The following PHF20 variants were observed in gnomAD, a reference collection of about 807,000 sequenced individuals.
The protein encoded by PHF20 is PHD finger protein 20, also known as glioma-expressed antigen 2.
A neutral mutation model predicts 113.5 loss-of-function variants in PHF20; 23 were observed. The observed-to-expected ratio is 0.20, with a 90% CI of 0.15 to 0.29. PHF20 has a LOEUF of 0.29. PHF20 is among the 10% of genes least tolerant of loss of function. The pLI is 1.00. For missense variants in PHF20, 943 were observed against 1,219.6 expected, an observed-to-expected ratio of 0.77 and a Z score of 3.38; for synonymous variants, 434 against 457.3, an observed-to-expected ratio of 0.95 and a Z score of 0.65.
chr20:35,798,090 A>G (rs2041703386), intron 1 of PHF20, among the ~76,000 whole-genome samples: 1 of 152,236 alleles, frequency 6.6e-6, no homozygotes, highest in Non-Finnish European at 1.5e-5. Flanking sequence ...CCAATAACCT[A>G]TAACTTATTT....
intron 15 of PHF20, among the ~76,000 whole-genome samples, chr20:35,935,184 T>A (rs1264661291): frequency 1.3e-5 from 2 of 152,112 alleles, no homozygotes; most frequent in Non-Finnish European, 1.5e-5. Context: ...CTCGACAGTC[T>A]TAATAGGGCT....
intron 2 of PHF20, among the ~76,000 whole-genome samples, chr20:35,825,411 A>G (rs981113683): frequency 1.3e-5 from 2 of 152,146 alleles, no homozygotes; most frequent in African/African-American, 4.8e-5. Flanking sequence ...AAGATAAGGT[A>G]TGAAATATTT....
intron 1 of PHF20, among the ~76,000 whole-genome samples, chr20:35,798,367 T>G (rs2041709109): frequency 6.6e-6 from 1 of 152,210 alleles, no homozygotes; most frequent in African/African-American, 2.4e-5. Context: ...GATCCAGGTT[T>G]GAGCCACTGT....
intron 10 of PHF20, among the ~76,000 whole-genome samples, chr20:35,903,082 T>TTTC (rs1165047600): frequency 1.7e-4 from 22 of 129,924 alleles, no homozygotes; most frequent in Middle Eastern, 4.0e-3. Flanking sequence ...CCTTTCTTTT[T>TTTC]TTTTTTTTTT....
At chr20:35,915,657 TTACA>T (rs1227225611) in intron 12 of PHF20, among the ~76,000 whole-genome samples, 1 of 152,138 alleles carries the variant, frequency 6.6e-6, no homozygotes, top group Non-Finnish European at 1.5e-5. Context: ...AGTGCTGGGA[TTACA>T]GGCATGAGCC....
intron 2 of PHF20, among the ~76,000 whole-genome samples, chr20:35,817,433 T>C (rs1312518895): frequency 6.6e-6 from 1 of 150,966 alleles, no homozygotes; most frequent in East Asian, 2.0e-4. Context: ...GTGATCCACC[T>C]GCCTCGGCCT....
intron 1 of PHF20, among the ~76,000 whole-genome samples, chr20:35,775,813 A>G (rs1026383196): frequency 6.7e-6 from 1 of 148,400 alleles, no homozygotes; most frequent in Non-Finnish European, 1.5e-5. Flanking sequence ...CTGTGTGTAT[A>G]TATATATATT....
At chr20:35,849,946 G>A (rs1205377431) in intron 4 of PHF20, among the ~76,000 whole-genome samples, 1 of 152,188 alleles carries the variant, frequency 6.6e-6, no homozygotes, top group African/African-American at 2.4e-5. Flanking sequence ...GGTGGGGACT[G>A]TAGCCAGAGT....
At chr20:35,846,220 C>G (rs575088565) in intron 3 of PHF20, among the ~76,000 whole-genome samples, 1 of 151,222 alleles carries the variant, frequency 6.6e-6, no homozygotes, top group Non-Finnish European at 1.5e-5. Context: ...CACTGTATCA[C>G]CCAGCCTGGA....
chr20:35,838,823 A>AC (rs1268943113), intron 2 of PHF20, among the ~76,000 whole-genome samples: 4 of 121,534 alleles, frequency 3.3e-5, no homozygotes, highest in African/African-American at 2.0e-4. Context: ...CTCCACCTCT[A>AC]CAAAAAAAAA....
intron 1 of PHF20, among the ~76,000 whole-genome samples, chr20:35,783,139 G>A (rs2146832370): frequency 6.6e-6 from 1 of 152,282 alleles, no homozygotes; most frequent in Non-Finnish European, 1.5e-5. Context: ...GTTCAAGGCT[G>A]CAGTGAGCTA....
rs114773156 is a variant in PHF20 at position 35,892,740 on chromosome 20, T to C, written c.1283-6630T>C. 8.9e-3 allele frequency among the ~76,000 whole-genome samples: 1,353 copies of C among 152,300 alleles called. 22 individuals are homozygous for C. The highest frequency in any genetic ancestry group is 0.031 in the African/African-American group (1,295 of 41,552). ...TACTGATTCATACCCTGTTTGCAGC[T>C]TTTCTCACTCTGATGCTTGTGTTGA... On this transcript the variant is annotated intron_variant, in intron 9 of 17. Transcript: ENST00000374012.
At chr20:35,890,374 G>C (rs2054827066) in intron 9 of PHF20, among the ~76,000 whole-genome samples, 1 of 152,142 alleles carries the variant, frequency 6.6e-6, no homozygotes, top group Non-Finnish European at 1.5e-5. Flanking sequence ...TAATTTTAAT[G>C]TTCCTATTGT....
At chr20:35,877,801 C>A (rs2054558843) in intron 9 of PHF20, among the ~76,000 whole-genome samples, 1 of 152,130 alleles carries the variant, frequency 6.6e-6, no homozygotes, top group Admixed American at 6.6e-5. Context: ...CAGTTAAGTT[C>A]TTTTTACTAA....
At chr20:35,928,816 G>A (rs1051839302) in intron 14 of PHF20, 4 of 152,328 alleles carry the variant, frequency 2.6e-5, no homozygotes, top group African/African-American at 9.6e-5. Flanking sequence ...ATCCTGAAGG[G>A]AGAAATGCCC....
chr20:35,876,823 T>C (rs2054532146), intron 9 of PHF20, among the ~76,000 whole-genome samples: 1 of 150,764 alleles, frequency 6.6e-6, no homozygotes, highest in South Asian at 2.1e-4. Context: ...ATACAAAAAT[T>C]TGGCCGGGCG....
At chr20:35,793,995 CAAAAAA>C (rs56189104) in intron 1 of PHF20, among the ~76,000 whole-genome samples, 2 of 33,836 alleles carry the variant, frequency 5.9e-5, no homozygotes, top group Admixed American at 3.4e-4. Flanking sequence ...GACTCTGTCT[CAAAAAA>C]AAAAAAAAAA....
intron 2 of PHF20, among the ~76,000 whole-genome samples, chr20:35,803,978 C>G (rs995259086): frequency 6.6e-6 from 1 of 151,838 alleles, no homozygotes; most frequent in Non-Finnish European, 1.5e-5. Context: ...CCTTAGCCCT[C>G]CATGTATCTG....
At chr20:35,930,510 G>A (rs2055732516) in intron 14 of PHF20, among the ~76,000 whole-genome samples, 1 of 151,902 alleles carries the variant, frequency 6.6e-6, no homozygotes, top group Admixed American at 6.6e-5. Flanking sequence ...AAAAATGAAA[G>A]AAAGAAAGAA....
Sources: allele counts gnomAD v4.1 joint callset (sites outside exome capture counted in the v4.1 genomes callset), GRCh38; gene constraint gnomAD v4.1.1; transcripts MANE v1.5; gene names NCBI Gene and HGNC (gene_info 2026-07-23, HGNC 2026-07-21).